Variants in TBCCD1 observed in about 807,000 individuals in gnomAD.
TBCCD1 encodes the protein TBCC domain-containing protein 1.
TBCCD1 carries 26 observed loss-of-function variants against 53.4 expected under a neutral mutation model. That is an observed-to-expected ratio of 0.49 (90% confidence interval 0.36 to 0.68). The LOEUF (loss-of-function observed/expected upper bound fraction) is 0.68. Among genes scored for constraint, TBCCD1 ranks in the 30% least tolerant of loss-of-function variants. The pLI is 0.00. For synonymous variants in TBCCD1, 245 were observed against 241.7 expected (o/e 1.01, Z -0.13); for missense variants, 558 against 669.5 (o/e 0.83, Z 1.84).
At chr3:186,558,611 A>C in intron 2 of TBCCD1, 39 bp from the exon 3 acceptor site, 1 of 1,599,094 alleles carries the variant, frequency 6.3e-7, no homozygotes, top group Non-Finnish European at 8.5e-7. Flanking sequence ...AGACGTTTTA[A>C]AACATCAACC....
chr3:186,555,232 A>G, intron 4 of TBCCD1, 148 bp from the exon 5 acceptor site: 2 of 660,270 alleles, frequency 3.0e-6, no homozygotes, highest in Non-Finnish European at 4.7e-6. Flanking sequence ...CTTTGGATAG[A>G]GGTATTTGCT....
intron 2 of TBCCD1, among the ~76,000 whole-genome samples, chr3:186,562,965 G>C (rs1254679828): frequency 6.6e-6 from 1 of 152,192 alleles, no homozygotes; most frequent in Non-Finnish European, 1.5e-5. Flanking sequence ...ACGGAGCCTG[G>C]ACAAATGCCA....
At position 186,554,298 on chromosome 3, in the gene TBCCD1, C is replaced by T. The variant is rs1578966822; in HGVS notation, c.1500G>A (p.Lys500=). ...TCACAGTTTTCTGCCAGATCTGTAT[C>T]TTCTGTTCTCTTTGACCCAGTGCTT... is the stretch of plus-strand genomic sequence containing the variant. ...YQKALGQREQ[K]IQIWQKTVKE... Residue 500 remains lysine (K), a synonymous_variant, in exon 6 of 8, where the codon AAG becomes AAA. Transcript: ENST00000338733. 2 of 1,614,174 alleles carry T rather than the reference C, an allele frequency of 1.2e-6. No individual in the cohort carries two copies. The highest frequency in any genetic ancestry group is 1.7e-4 in the Middle Eastern group (1 of 6,058).
chr3:186,554,844 TCA>T (rs1491493166), intron 5 of TBCCD1, 52 bp downstream of exon 5: 2 of 1,604,272 alleles, frequency 1.2e-6, no homozygotes, highest in Non-Finnish European at 1.7e-6. Context: ...AAAGAATCAG[TCA>T]CAGTCCAAAG....
At chr3:186,550,701 T>C (rs1714347239) in intron 7 of TBCCD1, among the ~76,000 whole-genome samples, 1 of 152,210 alleles carries the variant, frequency 6.6e-6, no homozygotes, top group South Asian at 2.1e-4. Flanking sequence ...TAATCAAATC[T>C]TCATTTGGAT....
intron 7 of TBCCD1, among the ~76,000 whole-genome samples, chr3:186,549,826 T>C (rs1216626311): frequency 1.3e-5 from 2 of 152,248 alleles, no homozygotes; most frequent in African/African-American, 2.4e-5. Context: ...TAATAAAAAA[T>C]AGTATTTTAC....
chr3:186,563,927 T>G (rs1714751608), intron 2 of TBCCD1, 67 bp downstream of exon 2: 1 of 1,483,576 alleles, frequency 6.7e-7, no homozygotes, highest in Non-Finnish European at 8.9e-7. Context: ...GCAAAAACAT[T>G]TTTTAATTTA....
At chr3:186,558,674 A>G in intron 2 of TBCCD1, 102 bp from the exon 3 acceptor site, 1 of 1,301,268 alleles carries the variant, frequency 7.7e-7, no homozygotes, top group Non-Finnish European at 1.0e-6. Flanking sequence ...GCTGATCCTA[A>G]AAAAACCAAC....
chr3:186,562,585 A>C (rs1423316839), intron 2 of TBCCD1, among the ~76,000 whole-genome samples: 2 of 152,096 alleles, frequency 1.3e-5, no homozygotes, highest in African/African-American at 4.8e-5. Flanking sequence ...TTATGCAAGA[A>C]AATTAAGTTC....
At chr3:186,561,384 A>C (rs1452056750) in intron 2 of TBCCD1, among the ~76,000 whole-genome samples, 1 of 152,234 alleles carries the variant, frequency 6.6e-6, no homozygotes, top group Non-Finnish European at 1.5e-5. Context: ...GCAAAACCAC[A>C]ATGAGATATC....
upstream of TBCCD1, chr3:186,570,460 C>T (rs1386139396): frequency 1.0e-5 from 5 of 480,574 alleles, no homozygotes; most frequent in East Asian, 1.7e-4. Context: ...TCACTCTGAC[C>T]GGCCCCCTAT....
chr3:186,554,684 G>A lies in TBCCD1; in HGVS notation c.1114C>T (p.Leu372Phe). 3 of 1,614,208 alleles carry A rather than the reference G, an allele frequency of 1.9e-6. No homozygotes were observed. The highest frequency in any genetic ancestry group is 2.5e-6 in the Non-Finnish European group (3 of 1,180,028). ...VLGPVGTTLH[L>F]HSCDNVKVIA... The stretch of plus-strand genomic sequence containing the variant: ...ACTTTAACATTGTCACAACTGTGGA[G>A]GTGAAGTGTAGTCCCTACAGGGCCC... Residue 372 changes from leucine to phenylalanine, a missense_variant, in exon 6 of 8, where the codon CTC becomes TTC. By Grantham distance (22) the Leu-to-Phe change is conservative. Coordinates refer to ENST00000338733, the MANE Select transcript of TBCCD1 (RefSeq NM_018138.5).
At chr3:186,561,271 T>G (rs1454073121) in intron 2 of TBCCD1, among the ~76,000 whole-genome samples, 2 of 152,118 alleles carry the variant, frequency 1.3e-5, no homozygotes, top group Non-Finnish European at 2.9e-5. Flanking sequence ...AATTAAAAAA[T>G]GGACTATGGA....
intron 1 of TBCCD1, among the ~76,000 whole-genome samples, chr3:186,564,582 T>C (rs1714775230): frequency 6.6e-6 from 1 of 152,200 alleles, no homozygotes; most frequent in Non-Finnish European, 1.5e-5. Flanking sequence ...AACAAAATTA[T>C]CTTACTTGAA....
At chr3:186,559,250 G>T (rs900358886) in intron 2 of TBCCD1, among the ~76,000 whole-genome samples, 8 of 152,282 alleles carry the variant, frequency 5.3e-5, no homozygotes, top group African/African-American at 1.7e-4. Flanking sequence ...TAAGAAAGAA[G>T]AAAATTCAGT....
chr3:186,567,846 A>G (rs1714883997), upstream of TBCCD1, among the ~76,000 whole-genome samples: 1 of 152,146 alleles, frequency 6.6e-6, no homozygotes, highest in South Asian at 2.1e-4. Context: ...CTGAAGCAAG[A>G]CTGGCACTCC....
rs1272933052 is a variant in TBCCD1 at position 186,554,452 on chromosome 3, C to G, written c.1346G>C (p.Cys449Ser). ...PNYWDNPMVVCRENSDTRVFQ... is the reference protein window; with the variant it reads ...PNYWDNPMVVSRENSDTRVFQ... The stretch of plus-strand genomic sequence containing the variant: ...GACTCTTGTGTCGCTGTTCTCTCTG[C>G]ACACAACCATTGGATTATCCCAATA... The change falls in exon 6 of 8, where the codon TGC becomes TCC. Residue 449 changes from cysteine to serine, a missense_variant. Coordinates refer to ENST00000338733, the MANE Select transcript of TBCCD1 (RefSeq NM_018138.5). 10 of 1,614,108 alleles carry G rather than the reference C, an allele frequency of 6.2e-6. No individual in the cohort carries two copies. Among genetic ancestry groups the G allele is most frequent in the Non-Finnish European group, 8.5e-6 (10 of 1,180,054 alleles).
intron 2 of TBCCD1, 136 bp downstream of exon 2, chr3:186,563,858 G>T (rs1714750010): frequency 1.8e-6 from 2 of 1,082,918 alleles, no homozygotes; most frequent in Non-Finnish European, 2.5e-6. Context: ...GAAGCCGGGA[G>T]TTCAAGACCA....
At chr3:186,554,867 A>G (rs1714487132) in intron 5 of TBCCD1, 31 bp downstream of exon 5, 1 of 1,606,820 alleles carries the variant, frequency 6.2e-7, no homozygotes, top group African/African-American at 1.3e-5. Context: ...AAAATGTCAG[A>G]ACATCAGAAC....
Sources: allele counts gnomAD v4.1 joint callset (sites outside exome capture counted in the v4.1 genomes callset), GRCh38; gene constraint gnomAD v4.1.1; transcripts MANE v1.5; gene names NCBI Gene and HGNC (gene_info 2026-07-23, HGNC 2026-07-21).